BRINP3: variants seen among roughly 807,000 people sequenced by gnomAD.
BRINP3 encodes BMP/retinoic acid-inducible neural-specific protein 3.
In BRINP3, 19 loss-of-function variants were observed where a neutral mutation model predicts 71.0. That is an observed-to-expected ratio of 0.27 (90% confidence interval 0.19 to 0.39). The LOEUF is 0.39. Ranked by LOEUF, BRINP3 falls within the 10% of genes least tolerant of loss-of-function variation. The pLI is 1.00. For missense variants in BRINP3, 959 were observed against 940.8 expected, an observed-to-expected ratio of 1.02 and a Z score of -0.25; for synonymous variants, 380 against 337.7, an observed-to-expected ratio of 1.13 and a Z score of -1.37.
chr1:190,104,768 T>G (rs780444726), intron 7 of BRINP3, among the ~76,000 whole-genome samples: 105 of 152,054 alleles, frequency 6.9e-4, no homozygotes, highest in Non-Finnish European at 1.2e-3. Flanking sequence ...GAACATATGT[T>G]GATAGAAAAA....
intron 5 of BRINP3, among the ~76,000 whole-genome samples, chr1:190,229,648 ACAC>A (rs1657761606): frequency 2.2e-5 from 2 of 92,966 alleles, no homozygotes; most frequent in Admixed American, 2.3e-4. Context: ...AAAACAAAAC[ACAC>A]ACACACACAC....
Position 190,160,766 on chromosome 1 carries a change from C to A in BRINP3, c.1086G>T (p.Met362Ile). Residue 362 changes from methionine (M) to isoleucine (I), a missense_variant, in exon 7 of 8, where the codon ATG (methionine) becomes ATT (isoleucine). Met to Ile is a conservative substitution (Grantham distance 10, BLOSUM62 1). Transcript: ENST00000367462. ...QRRYEQLENS[M>I]KQLFLKAQKI... The stretch of plus-strand genomic sequence containing the variant: ...TCTGCGCCTTTAGGAAAAGTTGTTT[C>A]ATGCTGTTCTCCAGTTGTTCATAAC... The A allele has an allele frequency of 6.2e-7, 1 of 1,613,588 alleles. No homozygotes were observed. The highest frequency in any genetic ancestry group is 8.5e-7 in the Non-Finnish European group (1 of 1,179,704).
chr1:190,325,936 C>T (rs1666551965), intron 2 of BRINP3, among the ~76,000 whole-genome samples: 1 of 151,970 alleles, frequency 6.6e-6, no homozygotes, highest in Non-Finnish European at 1.5e-5. Context: ...TGTGTGAGTT[C>T]CCTGAAGGTC....
At chr1:190,193,352 A>G (rs1335465656) in intron 6 of BRINP3, among the ~76,000 whole-genome samples, 1 of 152,126 alleles carries the variant, frequency 6.6e-6, no homozygotes, top group Admixed American at 6.6e-5. Flanking sequence ...AGTTTTGTGA[A>G]AGATAAAGAA....
chr1:190,407,380 T>C (rs1378809261), intron 2 of BRINP3, among the ~76,000 whole-genome samples: 1 of 152,146 alleles, frequency 6.6e-6, no homozygotes, highest in Admixed American at 6.5e-5. Context: ...TGGACATGAA[T>C]GCCATTCCAG....
chr1:190,290,666 G>T (rs115540918), intron 2 of BRINP3, among the ~76,000 whole-genome samples: 1,595 of 152,120 alleles, frequency 0.01, 25 homozygotes, highest in African/African-American at 0.036. Flanking sequence ...GTTTCTAAGC[G>T]ATCAACCTAT....
intron 1 of BRINP3, among the ~76,000 whole-genome samples, chr1:190,470,329 A>C (rs1677048246): frequency 6.6e-6 from 1 of 151,092 alleles, no homozygotes; most frequent in African/African-American, 2.4e-5. Flanking sequence ...AATAATTCTT[A>C]CATGGCAGAG....
intron 2 of BRINP3, among the ~76,000 whole-genome samples, chr1:190,338,678 A>AT (rs560162516): frequency 4.8e-4 from 73 of 151,168 alleles, no homozygotes; most frequent in African/African-American, 1.4e-3. Context: ...CTGTAATAGT[A>AT]TTTTTTTTTC....
Position 190,098,127 on chromosome 1 carries a change from C to T in BRINP3, c.2192G>A (p.Arg731Lys). The T allele has an allele frequency of 6.2e-7, 1 of 1,614,104 alleles. No individual in the cohort carries two copies. The highest frequency in any genetic ancestry group is 8.5e-7 in the Non-Finnish European group (1 of 1,180,022). The change falls in exon 8 of 8, where the codon AGA becomes AAA. Residue 731 changes from arginine to lysine, a missense_variant. By Grantham distance (26) the Arg-to-Lys change is conservative. Coordinates refer to ENST00000367462, the MANE Select transcript of BRINP3 (RefSeq NM_199051.3). ...CACCTCACTAGTAGACAGCTTGAGT[C>T]TATGACGAAGCAAGCAAGAGAAAAG... ...LDLFSCLLRH[R>K]LKLSTSEVVR...
chr1:190,121,798 A>G (rs1270055548), intron 7 of BRINP3, among the ~76,000 whole-genome samples: 1 of 152,192 alleles, frequency 6.6e-6, no homozygotes, highest in Non-Finnish European at 1.5e-5. Context: ...ATTACATTAG[A>G]ACCTCAAATA....
chr1:190,100,483 TA>T (rs1241461749), intron 7 of BRINP3, among the ~76,000 whole-genome samples: 1 of 152,216 alleles, frequency 6.6e-6, no homozygotes, highest in Non-Finnish European at 1.5e-5. Context: ...AACAAGCCTT[TA>T]ATATTTATTG....
intron 2 of BRINP3, among the ~76,000 whole-genome samples, chr1:190,417,254 C>T (rs1673068418): frequency 6.6e-6 from 1 of 151,714 alleles, no homozygotes; most frequent in African/African-American, 2.4e-5. Flanking sequence ...AAAAAAAAAT[C>T]ATTTTGCCAT....
intron 6 of BRINP3, among the ~76,000 whole-genome samples, chr1:190,222,634 C>T (rs1209047750): frequency 1.3e-5 from 2 of 151,054 alleles, no homozygotes; most frequent in Non-Finnish European, 3.0e-5. Context: ...TTAACAAACC[C>T]TTAGCCAGAT....
intron 6 of BRINP3, among the ~76,000 whole-genome samples, chr1:190,204,776 T>G (rs1283868013): frequency 1.3e-5 from 2 of 152,038 alleles, no homozygotes; most frequent in Non-Finnish European, 2.9e-5. Flanking sequence ...GTTTGAGAAC[T>G]ATCATTACAA....
chr1:190,292,660 A>G (rs1663957714), intron 2 of BRINP3, among the ~76,000 whole-genome samples: 2 of 152,144 alleles, frequency 1.3e-5, no homozygotes. Context: ...CTCTAAATAA[A>G]TAAATAAACA....
At chr1:190,447,020 T>C (rs1261133858) in intron 2 of BRINP3, among the ~76,000 whole-genome samples, 1 of 151,840 alleles carries the variant, frequency 6.6e-6, no homozygotes, top group African/African-American at 2.4e-5. Context: ...CTTCCATGTA[T>C]TCATAATTTA....
chr1:190,468,215 T>C (rs1676891439), intron 1 of BRINP3, among the ~76,000 whole-genome samples: 1 of 151,380 alleles, frequency 6.6e-6, no homozygotes, highest in Non-Finnish European at 1.5e-5. Flanking sequence ...TTATATCACT[T>C]CTGTAATTAA....
chr1:190,217,496 C>T (rs1044235311), intron 6 of BRINP3, among the ~76,000 whole-genome samples: 7 of 151,852 alleles, frequency 4.6e-5, no homozygotes, highest in African/African-American at 1.7e-4. Context: ...TGTGGTTTTA[C>T]TGAAGATATA....
At chr1:190,324,906 G>C (rs1666478882) in intron 2 of BRINP3, among the ~76,000 whole-genome samples, 1 of 151,832 alleles carries the variant, frequency 6.6e-6, no homozygotes, top group South Asian at 2.1e-4. Flanking sequence ...ATGATTCTCA[G>C]AGGGAGTAAG....
Sources: allele counts gnomAD v4.1 joint callset (sites outside exome capture counted in the v4.1 genomes callset), GRCh38; gene constraint gnomAD v4.1.1; transcripts MANE v1.5; gene names NCBI Gene and HGNC (gene_info 2026-07-23, HGNC 2026-07-21).